The following LAMC3 variants were observed in gnomAD, a reference collection of about 807,000 sequenced individuals.
LAMC3 encodes laminin subunit gamma 3.
In LAMC3, 128 loss-of-function variants were observed where a neutral mutation model predicts 173.8. The ratio of observed to expected loss-of-function variants is 0.74; its 90% CI spans 0.64 to 0.85. LAMC3 has a LOEUF of 0.85. Ranked by LOEUF, LAMC3 falls within the 40% of genes least tolerant of loss-of-function variation. The pLI is 0.00. For missense variants in LAMC3, 2,022 were observed against 2,156.0 expected (o/e 0.94, Z 1.23); for synonymous variants, 897 against 909.1 (o/e 0.99, Z 0.24).
At position 131,069,797 on chromosome 9, in the gene LAMC3, G is replaced by A; in HGVS notation, c.3016G>A (p.Asp1006Asn). 6.3e-7 allele frequency: 1 copy of A among 1,594,644 alleles called. No individual in the cohort carries two copies. The highest frequency in any genetic ancestry group is 1.1e-5 in the South Asian group (1 of 88,016). Residue 1006 changes from aspartate (D) to asparagine (N), a missense_variant, in exon 17 of 28, where the codon GAC becomes AAC. Transcript: ENST00000361069. Reference sequence around the variant, plus strand: ...CCACGACAACTTCTTCCTCACGGCAGACGGCACACACTGCCAGCAATGTCC... The same window carrying A: ...CCACGACAACTTCTTCCTCACGGCAAACGGCACACACTGCCAGCAATGTCC... ...RCHDNFFLTADGTHCQQCPSC... is the reference protein window; with the variant it reads ...RCHDNFFLTANGTHCQQCPSC...
intron 9 of LAMC3, among the ~76,000 whole-genome samples, chr9:131,049,697 T>G (rs150704392): frequency 6.6e-6 from 1 of 152,184 alleles, no homozygotes; most frequent in Non-Finnish European, 1.5e-5. Context: ...GAGGGCTTCT[T>G]CAGTGCCACA....
chr9:131,054,696 G>A (rs1834366220), intron 11 of LAMC3, among the ~76,000 whole-genome samples: 1 of 151,858 alleles, frequency 6.6e-6, no homozygotes, highest in Non-Finnish European at 1.5e-5. Context: ...AGTTAGCCAA[G>A]ATCATGCCAC....
chr9:131,032,301 G>C, intron 3 of LAMC3, 126 bp downstream of exon 3: 8 of 810,356 alleles, frequency 9.9e-6, no homozygotes, highest in Non-Finnish European at 1.7e-5. Context: ...GAGAGGGAGG[G>C]AGCACCTGCC....
Position 131,086,873 on chromosome 9 carries a change from A to G in LAMC3, c.4231-603A>G, listed in dbSNP as rs374843647. Among the ~76,000 whole-genome samples the G allele has an allele frequency of 4.3e-4, 64 of 150,066 alleles. 1 individual carries two copies. In the South Asian group the frequency reaches 0.013, roughly 30 times the overall value. On this transcript the variant is annotated intron_variant, in intron 25 of 27. Transcript: ENST00000361069. ...CACTGCACTCCAGCCTGGGCAACAG[A>G]GGGAGACTCTGCCTCGAAAAAAAAA... is the stretch of plus-strand genomic sequence containing the variant.
intron 4 of LAMC3, among the ~76,000 whole-genome samples, chr9:131,036,996 G>T (rs755702440): frequency 4.6e-5 from 7 of 152,250 alleles, no homozygotes; most frequent in Non-Finnish European, 7.3e-5. Context: ...TCACTCACAG[G>T]CTCGCTGGGC....
intron 17 of LAMC3, among the ~76,000 whole-genome samples, chr9:131,071,028 G>C (rs1299721600): frequency 2.6e-5 from 4 of 152,190 alleles, no homozygotes; most frequent in African/African-American, 9.6e-5. Context: ...GACATGGCAG[G>C]CATTTGTGCT....
intron 13 of LAMC3, among the ~76,000 whole-genome samples, chr9:131,061,643 C>G (rs1814112738): frequency 6.6e-6 from 1 of 152,192 alleles, no homozygotes; most frequent in Non-Finnish European, 1.5e-5. Context: ...CCCTTGTTCC[C>G]AGGCTCCTTG....
intron 1 of LAMC3, among the ~76,000 whole-genome samples, chr9:131,019,355 G>C (rs763717913): frequency 2.0e-5 from 3 of 152,192 alleles, no homozygotes; most frequent in Admixed American, 6.5e-5. Context: ...CCTTATAGCT[G>C]AGCATGGCAC....
At position 131,052,536 on chromosome 9, in the gene LAMC3, TACTG is replaced by T; in HGVS notation, c.1679_1682del (p.Leu560ProfsTer15). On this transcript the variant is annotated frameshift_variant, in exon 10 of 28. Transcript: ENST00000361069. LOFTEE classifies it high-confidence loss of function. Reference sequence around the variant, plus strand: ...CGGTTCAGCTATGGGCAGCCCCTCATACTGACCTTCCGGGTGCCCCCCGGGGACT... The same window carrying T: ...CGGTTCAGCTATGGGCAGCCCCTCATACCTTCCGGGTGCCCCCCGGGGACT... 1 of 1,614,182 alleles carries T rather than the reference TACTG, an allele frequency of 6.2e-7. No individual in the cohort carries two copies. The highest frequency in any genetic ancestry group is 8.5e-7 in the Non-Finnish European group (1 of 1,180,008).
At chr9:131,032,559 T>TCG (rs1554784115) in intron 3 of LAMC3, among the ~76,000 whole-genome samples, 2 of 134,330 alleles carry the variant, frequency 1.5e-5, no homozygotes, top group Non-Finnish European at 3.0e-5. Flanking sequence ...TCTCTCTCGC[T>TCG]CTCTCTCTTG....
At chr9:131,067,699 G>A (rs776554279) in intron 14 of LAMC3, among the ~76,000 whole-genome samples, 1 of 152,186 alleles carries the variant, frequency 6.6e-6, no homozygotes, top group Non-Finnish European at 1.5e-5. Flanking sequence ...AGGAAACACC[G>A]CTCTGGCCCA....
chr9:131,032,590 TTCTC>T (rs1833857370), intron 3 of LAMC3, among the ~76,000 whole-genome samples: 1 of 77,544 alleles, frequency 1.3e-5, no homozygotes, highest in East Asian at 2.5e-4. Context: ...CTTGCTCTCT[TTCTC>T]ACTCGCTTTC....
chr9:131,032,311 C>A, intron 3 of LAMC3, 136 bp downstream of exon 3: 1 of 796,158 alleles, frequency 1.3e-6, no homozygotes, highest in Non-Finnish European at 2.1e-6. Context: ...GAGCACCTGC[C>A]ATTCGAGGCC....
chr9:131,082,897 G>A (rs1018790848), intron 24 of LAMC3, among the ~76,000 whole-genome samples: 3 of 152,264 alleles, frequency 2.0e-5, no homozygotes, highest in African/African-American at 4.8e-5. Context: ...CCCACTGCCC[G>A]GAAGAGATGG....
chr9:131,075,191 C>G (rs1830102340), intron 20 of LAMC3, among the ~76,000 whole-genome samples: 1 of 152,134 alleles, frequency 6.6e-6, no homozygotes, highest in African/African-American at 2.4e-5. Flanking sequence ...TCCCTTGAGC[C>G]TAGGAGTTTG....
intron 3 of LAMC3, among the ~76,000 whole-genome samples, chr9:131,034,094 G>A (rs948785139): frequency 5.3e-5 from 8 of 152,312 alleles, no homozygotes; most frequent in African/African-American, 1.9e-4. Flanking sequence ...GGACATCTGG[G>A]TTCCAGCTGC....
At chr9:131,063,777 C>G (rs960234934) in intron 13 of LAMC3, among the ~76,000 whole-genome samples, 3 of 152,246 alleles carry the variant, frequency 2.0e-5, no homozygotes, top group South Asian at 2.1e-4. Flanking sequence ...CTCCCCCTTT[C>G]CTGTCTAATT....
At position 131,045,636 on chromosome 9, in the gene LAMC3, C is replaced by A. The variant is rs1035361801; in HGVS notation, c.1495C>A (p.His499Asn). The A allele has an allele frequency of 1.9e-6, 3 of 1,614,182 alleles. No individual in the cohort carries two copies. Among genetic ancestry groups the A allele is most frequent in the Non-Finnish European group, 2.5e-6 (3 of 1,180,046 alleles). Reference protein sequence around the residue: ...CASTAQFQVHHILSDFHQGAE... With the variant: ...CASTAQFQVHNILSDFHQGAE... ...GTCCACTGCCCAGTTCCAGGTGCAT[C>A]ACATCCTCAGCGATTTCCACCAGGG... The change falls in exon 8 of 28, where the codon CAC (histidine) becomes AAC (asparagine). Residue 499 changes from histidine to asparagine, a missense_variant. By Grantham distance (68) the His-to-Asn change is moderately conservative. Coordinates refer to ENST00000361069, the MANE Select transcript of LAMC3 (RefSeq NM_006059.4).
chr9:131,036,453 G>A, intron 4 of LAMC3, 121 bp downstream of exon 4: 1 of 1,097,758 alleles, frequency 9.1e-7, no homozygotes, highest in Non-Finnish European at 1.3e-6. Flanking sequence ...GGCAGCTCGG[G>A]GTCTCTGTGC....
Sources: allele counts gnomAD v4.1 joint callset (sites outside exome capture counted in the v4.1 genomes callset), GRCh38; gene constraint gnomAD v4.1.1; transcripts MANE v1.5; gene names NCBI Gene and HGNC (gene_info 2026-07-23, HGNC 2026-07-21).